ZNF804A: variants seen among roughly 807,000 people sequenced by gnomAD.
The protein encoded by ZNF804A is zinc finger protein 804A.
Under a neutral mutation model 16.5 loss-of-function variants are expected in ZNF804A, and 2 were observed. The observed-to-expected ratio is 0.12, with a 90% CI of 0.05 to 0.38. ZNF804A has a LOEUF of 0.38. Ranked by LOEUF, ZNF804A falls within the 10% of genes least tolerant of loss-of-function variation. The pLI is 0.99. For missense variants in ZNF804A, 1,473 were observed against 1,390.7 expected (o/e 1.06, Z -0.94); for synonymous variants, 534 against 489.6 (o/e 1.09, Z -1.20).
chr2:184,892,272 C>G (rs1684996439), intron 2 of ZNF804A, among the ~76,000 whole-genome samples: 1 of 152,024 alleles, frequency 6.6e-6, no homozygotes, highest in Admixed American at 6.6e-5. Context: ...AAAAGTGTTC[C>G]TAAAATACCA....
At chr2:184,619,825 A>T (rs1382145416) in intron 1 of ZNF804A, among the ~76,000 whole-genome samples, 1 of 151,936 alleles carries the variant, frequency 6.6e-6, no homozygotes, top group Admixed American at 6.6e-5. Context: ...TACAAAGAAG[A>T]ATAAATACAG....
chr2:184,651,946 A>G (rs909411494), intron 1 of ZNF804A, among the ~76,000 whole-genome samples: 1 of 152,176 alleles, frequency 6.6e-6, no homozygotes, highest in African/African-American at 2.4e-5. Flanking sequence ...CTGGATGTAT[A>G]TCCAAAAGAA....
chr2:184,650,019 T>C (rs901203701), intron 1 of ZNF804A, among the ~76,000 whole-genome samples: 4 of 151,970 alleles, frequency 2.6e-5, no homozygotes, highest in South Asian at 2.1e-4. Context: ...AAAAGAAAAC[T>C]GTAGGCCATT....
intron 1 of ZNF804A, among the ~76,000 whole-genome samples, chr2:184,753,935 C>T (rs775761190): frequency 6.6e-6 from 1 of 151,830 alleles, no homozygotes; most frequent in Non-Finnish European, 1.5e-5. Context: ...ATAAATAATA[C>T]TTATTTTAGT....
At chr2:184,764,967 T>C (rs1379124137) in intron 1 of ZNF804A, among the ~76,000 whole-genome samples, 1 of 152,148 alleles carries the variant, frequency 6.6e-6, no homozygotes, top group African/African-American at 2.4e-5. Context: ...AAAAAAAAAC[T>C]ATTTTTTTAA....
chr2:184,770,780 T>C (rs1026503600), intron 1 of ZNF804A, among the ~76,000 whole-genome samples: 3 of 152,040 alleles, frequency 2.0e-5, no homozygotes, highest in African/African-American at 7.2e-5. Flanking sequence ...AAAAGATATA[T>C]AGAAACCCAA....
In ZNF804A at chr2:184,799,978, C is replaced by T. The variant is rs149032439; in HGVS notation, c.112-66391C>T. 2.5e-3 allele frequency among the ~76,000 whole-genome samples: 382 copies of T among 152,046 alleles called. 1 individual carries two copies. The highest frequency in any genetic ancestry group is 6.8e-3 in the Middle Eastern group (2 of 292). The stretch of plus-strand genomic sequence containing the variant: ...TTTATGTGAAAGTTATTAATTATTA[C>T]GTATATGATCTATTTTTTTTCTTTT... On this transcript the variant is annotated intron_variant, in intron 1 of 3. Transcript: ENST00000302277.
At chr2:184,893,518 A>G (rs990328210) in intron 2 of ZNF804A, among the ~76,000 whole-genome samples, 2 of 145,210 alleles carry the variant, frequency 1.4e-5, no homozygotes, top group Non-Finnish European at 3.0e-5. Context: ...TAAATTTTCA[A>G]ATGCAAGTAT....
intron 2 of ZNF804A, among the ~76,000 whole-genome samples, chr2:184,870,229 C>T (rs553900700): frequency 1.3e-5 from 2 of 151,956 alleles, no homozygotes; most frequent in Admixed American, 1.3e-4. Flanking sequence ...GCAATGCTTT[C>T]ATTTTTAAGG....
At chr2:184,678,509 A>G (rs1692477559) in intron 1 of ZNF804A, among the ~76,000 whole-genome samples, 1 of 152,194 alleles carries the variant, frequency 6.6e-6, no homozygotes, top group Admixed American at 6.5e-5. Flanking sequence ...TACTTGAAAG[A>G]CATAAGAGAA....
intron 2 of ZNF804A, among the ~76,000 whole-genome samples, chr2:184,911,352 A>G (rs1037922276): frequency 2.6e-5 from 4 of 151,964 alleles, no homozygotes; most frequent in Non-Finnish European, 5.9e-5. Context: ...TACCAGTACC[A>G]TGTTGTTTGG....
At chr2:184,743,290 T>C (rs1165656631) in intron 1 of ZNF804A, among the ~76,000 whole-genome samples, 2 of 152,022 alleles carry the variant, frequency 1.3e-5, no homozygotes, top group African/African-American at 4.8e-5. Context: ...ATCCAATGAA[T>C]CAGCAAGTTA....
chr2:184,906,024 C>T (rs1335241419), intron 2 of ZNF804A, among the ~76,000 whole-genome samples: 2 of 152,132 alleles, frequency 1.3e-5, no homozygotes, highest in African/African-American at 4.8e-5. Context: ...CTGGCCAATT[C>T]TCTTGGTTGG....
chr2:184,843,365 C>A (rs199847488), intron 1 of ZNF804A, among the ~76,000 whole-genome samples: 1 of 152,036 alleles, frequency 6.6e-6, no homozygotes, highest in South Asian at 2.1e-4. Flanking sequence ...TGAGTTCAAG[C>A]GATTCTCCTG....
At chr2:184,883,305 C>A (rs72907724) in intron 2 of ZNF804A, among the ~76,000 whole-genome samples, 7,648 of 151,862 alleles carry the variant, frequency 0.05, 253 homozygotes, top group Middle Eastern at 0.078. Context: ...CCAGAAAAAA[C>A]CCAGGACCAG....
chr2:184,610,983 C>G (rs981065537), intron 1 of ZNF804A, among the ~76,000 whole-genome samples: 5 of 152,156 alleles, frequency 3.3e-5, no homozygotes, highest in African/African-American at 4.8e-5. Context: ...CCTGTTTGAG[C>G]TGTTATAACA....
At chr2:184,877,374 C>A (rs1684723759) in intron 2 of ZNF804A, among the ~76,000 whole-genome samples, 1 of 152,000 alleles carries the variant, frequency 6.6e-6, no homozygotes, top group Admixed American at 6.6e-5. Context: ...GAAGAAAATT[C>A]ATCCAGGAAA....
intron 1 of ZNF804A, among the ~76,000 whole-genome samples, chr2:184,644,766 C>T (rs1691846572): frequency 6.6e-6 from 1 of 151,910 alleles, no homozygotes; most frequent in Non-Finnish European, 1.5e-5. Context: ...TGTTTCATAC[C>T]TTGCTTTTCA....
chr2:184,602,805 T>C (rs185450622), intron 1 of ZNF804A, among the ~76,000 whole-genome samples: 121 of 152,118 alleles, frequency 8.0e-4, no homozygotes, highest in Non-Finnish European at 1.0e-4. Flanking sequence ...ACACAATGAG[T>C]CAATATTATC....
Sources: allele counts gnomAD v4.1 joint callset (sites outside exome capture counted in the v4.1 genomes callset), GRCh38; gene constraint gnomAD v4.1.1; transcripts MANE v1.5; gene names NCBI Gene and HGNC (gene_info 2026-07-23, HGNC 2026-07-21).